The following INF2 variants were observed in gnomAD, a reference collection of about 807,000 sequenced individuals.
The protein encoded by INF2 is inverted formin-2.
Under a neutral mutation model 123.5 loss-of-function variants are expected in INF2, and 43 were observed. That is an observed-to-expected ratio of 0.35 (90% CI 0.27 to 0.45). The LOEUF (loss-of-function observed/expected upper bound fraction) is 0.45, where lower values mean the gene tolerates loss of function less well. INF2 is among the 20% of genes least tolerant of loss of function. The probability of loss-of-function intolerance (pLI) is 1.00; values close to 1 mark genes in which losing one functional copy is unlikely to be tolerated. For missense variants in INF2, 1,453 were observed against 1,682.7 expected (o/e 0.86, Z 2.39); for synonymous variants, 851 against 745.0 (o/e 1.14, Z -2.32).
At chr14:104,708,099 G>T (rs910599989) in intron 8 of INF2, 97 bp downstream of exon 8, 1 of 1,556,430 alleles carries the variant, frequency 6.4e-7, no homozygotes. Context: ...TTGTGTGCGC[G>T]TCCTGCCCGT....
chr14:104,689,587 T>TGCAACC, upstream of INF2: 18 of 851,044 alleles, frequency 2.1e-5, no homozygotes, highest in South Asian at 5.4e-5. Context: ...CACCTCCTCT[T>TGCAACC]CCTCCCGCCC....
chr14:104,717,725 G>A (rs763413916), intron 22 of INF2: 1 of 152,204 alleles, frequency 6.6e-6, no homozygotes, highest in Non-Finnish European at 1.5e-5. Flanking sequence ...GGGGACGTTT[G>A]TGGCAGCAGC....
Position 104,707,564 on chromosome 14 carries a change from T to G in INF2, c.1297T>G (p.Ser433Ala). The change falls in exon 8 of 23, where the codon TCC becomes GCC. Residue 433 changes from serine (S) to alanine (A), a missense_variant. This residue lies in a region of INF2 where 374 missense variants were observed against 303.7 expected (regional missense o/e 1.23). Transcript: ENST00000392634. ...PPPPPPLLPG[S>A]SAEPPPPPPP... ...CCCACCCCCACCCCTGCTCCCTGGT[T>G]CCAGTGCCGAGCCCCCTCCCCCTCC... The G allele has an allele frequency of 9.8e-7, 1 of 1,023,586 alleles. No individual in the cohort carries two copies. The highest frequency in any genetic ancestry group is 1.3e-6 in the Non-Finnish European group (1 of 798,474). 63.4% of individuals were successfully genotyped at this position (1,023,586 alleles called of 1,614,324 possible). A position where few individuals can be genotyped will look rare whatever the true frequency, so the allele number is the denominator to read the frequency against.
At chr14:104,700,965 T>A in intron 1 of INF2, 2 of 662,526 alleles carry the variant, frequency 3.0e-6, no homozygotes, top group Non-Finnish European at 3.7e-6. Context: ...ATCATTACCG[T>A]GGGTAATGTT....
chr14:104,681,717 T>C, intron 1 of INF2: 1 of 684,364 alleles, frequency 1.5e-6, no homozygotes. Context: ...AGCACGCTGG[T>C]GCAGAGCCGG....
chr14:104,683,601 G>A (rs797006107), intron 1 of INF2, among the ~76,000 whole-genome samples: 8 of 104,394 alleles, frequency 7.7e-5, no homozygotes, highest in South Asian at 3.0e-4. Flanking sequence ...TCTGAAACCC[G>A]CCCCCCTCCC....
In INF2 at chr14:104,707,577, C is replaced by A. The variant is rs746697423; in HGVS notation, c.1310C>A (p.Pro437His). The A allele has an allele frequency of 2.8e-6, 3 of 1,086,586 alleles. No individual in the cohort carries two copies. The Admixed American group carries it at 7.2e-5, about 26-fold the overall frequency. The allele number at this position is 1,086,586 out of a possible 1,614,324, so 67.3% of individuals were successfully genotyped here. ...CTGCTCCCTGGTTCCAGTGCCGAGC[C>A]CCCTCCCCCTCCCCCACCACCCCCC... ...PPLLPGSSAE[P>H]PPPPPPPPLP... Residue 437 changes from proline to histidine, a missense_variant, in exon 8 of 23, where the codon CCC (proline) becomes CAC (histidine). Physicochemically the swap from Pro to His is moderately conservative, Grantham distance 77 (BLOSUM62 -2). This residue lies in a region of INF2 where 374 missense variants were observed against 303.7 expected (regional missense o/e 1.23). Coordinates refer to ENST00000392634, the MANE Select transcript of INF2 (RefSeq NM_022489.4).
intron 1 of INF2, among the ~76,000 whole-genome samples, chr14:104,682,541 C>G (rs1261157671): frequency 6.6e-6 from 1 of 152,134 alleles, no homozygotes; most frequent in African/African-American, 2.4e-5. Flanking sequence ...ATGGGCAGCA[C>G]CCCTGGAGGC....
Position 104,703,930 on chromosome 14 carries a change from G to T in INF2, c.682G>T (p.Asp228Tyr). ...RNEFIGLQLL[D>Y]VLARLRDLED... ...TCCCTTCCCAGGGCTGCAGCTGCTGGACGTCCTGGCTCGCCTGCGGTGAGT... is the reference window on the plus strand; with the variant it reads ...TCCCTTCCCAGGGCTGCAGCTGCTGTACGTCCTGGCTCGCCTGCGGTGAGT... Residue 228 changes from aspartate (D) to tyrosine (Y), a missense_variant, in exon 5 of 23, where the codon GAC (aspartate) becomes TAC (tyrosine). Asp to Tyr is a radical substitution (Grantham distance 160). This residue lies in a region of INF2 where 251 missense variants were observed against 349.4 expected (regional missense o/e 0.72). Transcript: ENST00000392634. 6.2e-7 allele frequency: 1 copy of T among 1,611,064 alleles called. No individual in the cohort carries two copies. The highest frequency in any genetic ancestry group is 2.2e-5 in the East Asian group (1 of 44,874).
At chr14:104,718,287 G>T (rs4351990) in intron 22 of INF2, among the ~76,000 whole-genome samples, 1 of 152,246 alleles carries the variant, frequency 6.6e-6, no homozygotes, top group African/African-American at 2.4e-5. Flanking sequence ...CGAAGAGGGC[G>T]TTGGGGGCAG....
chr14:104,703,178 C>T lies in INF2; in HGVS notation c.465C>T (p.Pro155=), dbSNP rs765072150. 2.2e-5 allele frequency: 36 copies of T among 1,613,422 alleles called. No homozygotes were observed. Among genetic ancestry groups the T allele is most frequent in the South Asian group, 6.6e-5 (6 of 91,084 alleles). ...TGGCTGCCCTGTGCATCTACTCTCC[C>T]GAGGGCCACGTGCTGACCCTGGACG... The part of the protein sequence containing the change: ...ELLAALCIYS[P]EGHVLTLDAL... Residue 155 remains proline, a synonymous_variant, in exon 3 of 23, where the codon CCC becomes CCT. Coordinates refer to ENST00000392634, the MANE Select transcript of INF2 (RefSeq NM_022489.4).
intron 6 of INF2, among the ~76,000 whole-genome samples, chr14:104,706,677 A>G (rs1448787779): frequency 6.6e-6 from 1 of 152,164 alleles, no homozygotes; most frequent in Non-Finnish European, 1.5e-5. Flanking sequence ...ACGGCTGGGC[A>G]GGGGGTGCTG....
Position 104,721,584 on chromosome 14 carries a change from C to A in INF2, c.*2791C>A. On this transcript the variant is annotated 3_prime_UTR_variant, in exon 23 of 23. Transcript: ENST00000392634. ...CAGCTGCACCATTTTTCATTCCCAT[C>A]CATGCTATTGTTTTTCAGTTAAATA... 6.5e-6 allele frequency: 1 copy of A among 154,112 alleles called. No homozygotes were observed. Among genetic ancestry groups the A allele is most frequent in the South Asian group, 1.9e-4 (1 of 5,156 alleles). The allele number at this position is 154,112 out of a possible 1,614,324, so 9.5% of individuals were successfully genotyped here.
intron 1 of INF2, among the ~76,000 whole-genome samples, chr14:104,698,418 C>G (rs142433719): frequency 6.6e-6 from 1 of 152,374 alleles, no homozygotes; most frequent in African/African-American, 2.4e-5. Context: ...TTAGCAGAGA[C>G]TCACAGGCGG....
rs1295232870 is a variant in INF2 at position 104,684,083 on chromosome 14, G to A, written c.-104+2501G>A. 2.2e-6 allele frequency: 1 copy of A among 456,012 alleles called. No homozygotes were observed. Among genetic ancestry groups the A allele is most frequent in the Non-Finnish European group, 4.4e-6 (1 of 226,760 alleles). The allele number at this position is 456,012 out of a possible 1,614,324, so 28.2% of individuals were successfully genotyped here. On this transcript the variant is annotated intron_variant, in intron 1 of 2. Coordinates refer to the INF2 transcript ENST00000674723. The surrounding 1 kb of genome is among the most constrained non-coding windows in gnomAD (Gnocchi z 5.0). ...GTTAGGTGGAGAACCCCTTCTTTAA[G>A]CAAAAGATGGCACGGACCCCCGACA...
Position 104,715,316 on chromosome 14 carries a change from A to G in INF2, c.3727A>G (p.Lys1243Glu), listed in dbSNP as rs1026924897. 1.2e-5 allele frequency: 19 copies of G among 1,613,538 alleles called. No homozygotes were observed. Among genetic ancestry groups the G allele is most frequent in the African/African-American group, 4.0e-5 (3 of 74,942 alleles). ...VPPDSDDNKT[K>E]KLCVIQ Reference sequence around the variant, plus strand: ...CCCTGATTCTGATGATAATAAAACAAAGAAACTGTGTGTGATCCAGTAAGG... The same window carrying G: ...CCCTGATTCTGATGATAATAAAACAGAGAAACTGTGTGTGATCCAGTAAGG... Residue 1243 changes from lysine to glutamate, a missense_variant, in exon 22 of 23, where the codon AAG becomes GAG. Lys to Glu is a moderately conservative substitution (Grantham distance 56, BLOSUM62 1). This residue lies in a region of INF2 where 344 missense variants were observed against 333.1 expected (regional missense o/e 1.03). Transcript: ENST00000392634.
At chr14:104,715,216 A>T in intron 21 of INF2, 68 bp from the exon 22 acceptor site, 1 of 1,507,262 alleles carries the variant, frequency 6.6e-7, no homozygotes, top group Non-Finnish European at 9.2e-7. Context: ...CCCCAGCCCC[A>T]CCCACTCCGA....
At chr14:104,708,300 C>T in intron 8 of INF2, 136 bp from the exon 9 acceptor site, 3 of 1,150,022 alleles carry the variant, frequency 2.6e-6, no homozygotes, top group Non-Finnish European at 3.7e-6. Context: ...AGGGTGCCTG[C>T]TGTACGCTGG....
At chr14:104,703,037 A>G in intron 2 of INF2, 68 bp from the exon 3 acceptor site, 4 of 1,303,800 alleles carry the variant, frequency 3.1e-6, no homozygotes, top group Non-Finnish European at 4.4e-6. Flanking sequence ...CCCAGCCCTG[A>G]GCCCAGCTGC....
Sources: allele counts gnomAD v4.1 joint callset (sites outside exome capture counted in the v4.1 genomes callset), GRCh38; gene constraint gnomAD v4.1.1; regional missense constraint gnomAD v4.1.1; non-coding constraint Gnocchi (gnomAD v3.1); transcripts MANE v1.5; gene names NCBI Gene and HGNC (gene_info 2026-07-23, HGNC 2026-07-21).